The following WDR45 variants were observed in gnomAD, a reference collection of about 807,000 sequenced individuals.
The protein encoded by WDR45 is WD repeat domain 45, also known as WD repeat domain phosphoinositide-interacting protein 4.
WDR45 carries 2 observed loss-of-function variants against 27.3 expected under a neutral mutation model. The ratio of observed to expected loss-of-function variants is 0.07; its 90% CI spans 0.03 to 0.23. The LOEUF is 0.23. WDR45 is among the 10% of genes least tolerant of loss of function. The pLI, the probability that WDR45 is intolerant of heterozygous loss-of-function variation, is 1.00. For missense variants in WDR45, 175 were observed against 311.9 expected (o/e 0.56, Z 3.31); for synonymous variants, 99 against 119.2 (o/e 0.83, Z 1.11).
At chrX:49,095,759 C>CTTTTTT (rs1204267334) in intron 2 of WDR45, among the ~76,000 whole-genome samples, 7 of 26,153 alleles carry the variant, frequency 2.7e-4, no homozygotes, top group African/African-American at 9.8e-4. Context: ...CGTGCCCGGC[C>CTTTTTT]TTTTTTTTTT....
chrX:49,098,808 A>AC (rs1199255260), intron 2 of WDR45, among the ~76,000 whole-genome samples: 8 of 110,049 alleles, frequency 7.3e-5, no homozygotes, highest in African/African-American at 2.3e-4. Context: ...CCCTGTCTCT[A>AC]CCCCCCCACC....
At chrX:49,089,197 A>C (rs905447348) in intron 2 of WDR45, among the ~76,000 whole-genome samples, 6 of 111,547 alleles carry the variant, frequency 5.4e-5, no homozygotes, top group Non-Finnish European at 1.1e-4. Flanking sequence ...CTGAGGTGGC[A>C]GAATCACTTG....
intron 4 of WDR45, 79 bp from the exon 5 acceptor site, chrX:49,076,829 C>T (rs1027902150): frequency 2.4e-6 from 2 of 841,070 alleles, no homozygotes; most frequent in Admixed American, 2.7e-5. Context: ...TCCACCCCTG[C>T]TTCCCAGGGA....
intron 2 of WDR45, among the ~76,000 whole-genome samples, chrX:49,098,809 C>G (rs2065135183): frequency 9.0e-6 from 1 of 110,634 alleles, no homozygotes; most frequent in South Asian, 3.8e-4. Context: ...CCTGTCTCTA[C>G]CCCCCCACCA....
At chrX:49,075,984 G>A (rs1231507021) in intron 6 of WDR45, 39 bp from the exon 7 acceptor site, 4 of 1,070,134 alleles carry the variant, frequency 3.7e-6, no homozygotes, top group Non-Finnish European at 5.2e-6. Context: ...GGCGGCTGAA[G>A]AGGAGGCAGC....
Position 49,099,562 on chromosome X carries a change from A to G in WDR45, c.-18+643T>C, listed in dbSNP as rs782047235. 9.9e-5 allele frequency among the ~76,000 whole-genome samples: 11 copies of G among 110,685 alleles called. No homozygotes were observed. The East Asian group carries it at 2.3e-3, about 23-fold the overall frequency. On this transcript the variant is annotated intron_variant, in intron 2 of 11. Coordinates refer to the WDR45 transcript ENST00000356463. Reference sequence around the variant, plus strand: ...TTTGGGAGGCTGAGGCAGGCGGATCACGAGGTCAGGAGATCGAGACCATCC... The same window carrying G: ...TTTGGGAGGCTGAGGCAGGCGGATCGCGAGGTCAGGAGATCGAGACCATCC...
At chrX:49,076,372 C>T (rs2147816116) in intron 6 of WDR45, 58 bp downstream of exon 6, 1 of 1,128,162 alleles carries the variant, frequency 8.9e-7, no homozygotes, top group East Asian at 3.0e-5. Flanking sequence ...CTCATCTCTG[C>T]CCCTCTGCCC....
rs782135688 is a variant in WDR45, at chrX:49,095,651, G to A, written c.-18+4554C>T. The stretch of plus-strand genomic sequence containing the variant: ...AATTTTTTGTATTTTTAGTAGAGAC[G>A]GGGTTTCACCATGTTAGCCAGGATG... On this transcript the variant is annotated intron_variant, in intron 2 of 11. Coordinates refer to the WDR45 transcript ENST00000356463. Among the ~76,000 whole-genome samples, 4 of 106,663 alleles carry A rather than the reference G, an allele frequency of 3.8e-5. No homozygotes were observed. The Admixed American group carries it at 4.1e-4, about 11-fold the overall frequency. The allele number at this position is 106,663 out of a possible 115,157, so 92.6% of individuals were successfully genotyped here. A position where few individuals can be genotyped will look rare whatever the true frequency, so the allele number is the denominator to read the frequency against.
rs201618213 is a variant in WDR45 at position 49,074,926 on chromosome X, G to T, written c.974-14C>A. 13 of 1,163,993 alleles carry T rather than the reference G, an allele frequency of 1.1e-5. No homozygotes were observed. Among genetic ancestry groups the T allele is most frequent in the South Asian group, 1.1e-4 (6 of 55,720 alleles). On this transcript the variant is annotated splice_polypyrimidine_tract_variant and intron_variant, in intron 10 of 10. Coordinates refer to ENST00000376372, the MANE Select transcript of WDR45 (RefSeq NM_001029896.2). The stretch of plus-strand genomic sequence containing the variant: ...CTACGCAGATGGCTGGGGGAGGGGG[G>T]GTGGTAAAAGGTCAGAGGCTGCCAC...
intron 2 of WDR45, among the ~76,000 whole-genome samples, chrX:49,099,975 AT>A (rs782309443): frequency 9.2e-6 from 1 of 108,860 alleles, no homozygotes; most frequent in East Asian, 2.9e-4. Context: ...AATTAAGGGA[AT>A]TTTTTCCCAC....
chrX:49,076,105 C>T, intron 6 of WDR45, 160 bp from the exon 7 acceptor site: 3 of 489,322 alleles, frequency 6.1e-6, no homozygotes, highest in Non-Finnish European at 1.1e-5. Context: ...GCCAGCTAGG[C>T]AGATTCCATT....
At chrX:49,097,058 T>A (rs1267492946) in intron 2 of WDR45, among the ~76,000 whole-genome samples, 1 of 112,191 alleles carries the variant, frequency 8.9e-6, no homozygotes, top group Non-Finnish European at 1.9e-5. Context: ...GAAATTCTTA[T>A]AATTTAAATG....
intron 6 of WDR45, 61 bp downstream of exon 6, chrX:49,076,369 C>T: frequency 9.0e-7 from 1 of 1,115,666 alleles, no homozygotes; most frequent in East Asian, 3.0e-5. Flanking sequence ...TTCCTCATCT[C>T]TGCCCCTCTG....
At chrX:49,091,058 C>T (rs1033474001) in intron 2 of WDR45, among the ~76,000 whole-genome samples, 20 of 108,773 alleles carry the variant, frequency 1.8e-4, no homozygotes, top group African/African-American at 6.7e-4. Context: ...CTCCTGACCT[C>T]GTGATCCGCC....
At chrX:49,082,777 G>A (rs1294705626), upstream of WDR45, among the ~76,000 whole-genome samples, 1 of 110,349 alleles carries the variant, frequency 9.1e-6, no homozygotes, top group South Asian at 3.8e-4. Context: ...GCAGTGGCAC[G>A]ATCTCGGCTC....
intron 2 of WDR45, among the ~76,000 whole-genome samples, chrX:49,098,529 C>G (rs969794544): frequency 9.2e-6 from 1 of 109,019 alleles, no homozygotes; most frequent in Non-Finnish European, 1.9e-5. Context: ...GTAATAAAGG[C>G]TGGGTGCAGT....
upstream of WDR45, chrX:49,080,268 G>C (rs2065060987): frequency 8.9e-6 from 1 of 111,819 alleles, no homozygotes; most frequent in African/African-American, 3.2e-5. Context: ...GCAACACACA[G>C]TCCTCCCAGG....
intron 1 of WDR45, among the ~76,000 whole-genome samples, 191 bp from the exon 2 acceptor site, chrX:49,078,303 C>A (rs2065049587): frequency 8.9e-6 from 1 of 112,546 alleles, no homozygotes; most frequent in East Asian, 2.8e-4. Context: ...GGGTGGATCA[C>A]CTGAGGTCAG....
chrX:49,083,819 C>T (rs2065077408), upstream of WDR45, among the ~76,000 whole-genome samples: 1 of 105,748 alleles, frequency 9.5e-6, no homozygotes, highest in Non-Finnish European at 1.9e-5. Context: ...TGGTGGTGCA[C>T]ACCTCTAATC....
Sources: allele counts gnomAD v4.1 joint callset (sites outside exome capture counted in the v4.1 genomes callset), GRCh38; gene constraint gnomAD v4.1.1; transcripts MANE v1.5; gene names NCBI Gene and HGNC (gene_info 2026-07-23, HGNC 2026-07-21).